Variants in EPS8 observed in about 807,000 individuals in gnomAD.
EPS8 encodes EGFR pathway substrate 8, signaling adaptor, also known as epidermal growth factor receptor kinase substrate 8.
Under a neutral mutation model 103.8 loss-of-function variants are expected in EPS8, and 42 were observed. The ratio of observed to expected loss-of-function variants is 0.40; its 90% CI spans 0.32 to 0.52. The LOEUF is 0.52. Ranked by LOEUF, EPS8 falls within the 20% of genes least tolerant of loss-of-function variation. The pLI is 0.40. For missense variants in EPS8, 969 were observed against 1,005.1 expected, an observed-to-expected ratio of 0.96 and a Z score of 0.49; for synonymous variants, 344 against 344.6, an observed-to-expected ratio of 1.00 and a Z score of 0.02.
rs894201344 is a variant in EPS8, at chr12:15,751,315, G to T, written c.-22+37846C>A. On this transcript the variant is annotated intron_variant, in intron 1 of 20. Coordinates refer to ENST00000281172, the MANE Select transcript of EPS8 (RefSeq NM_004447.6). This position sits in a 1 kb window ranked among gnomAD's most constrained non-coding sequence, Gnocchi z 4.3. ...AAAGGCTGCAGTGAGCTGAGATCAC[G>T]CCACTGCACTCCAGCCTGGGCGACA... Among the ~76,000 whole-genome samples the T allele has an allele frequency of 6.6e-6, 1 of 152,056 alleles. No homozygotes were observed. Among genetic ancestry groups the T allele is most frequent in the East Asian group, 1.9e-4 (1 of 5,192 alleles).
intron 19 of EPS8, 111 bp from the exon 20 acceptor site, chr12:15,623,398 C>T (rs1288895747): frequency 1.2e-5 from 11 of 917,142 alleles, no homozygotes; most frequent in Middle Eastern, 2.9e-4. Flanking sequence ...CGTTCCATAC[C>T]CTGGAACCCT....
chr12:15,631,827 C>T, intron 17 of EPS8, 163 bp from the exon 18 acceptor site: 1 of 577,858 alleles, frequency 1.7e-6, no homozygotes, highest in East Asian at 2.9e-5. Flanking sequence ...CATTAAAAAT[C>T]ATATTTTAAA....
Position 15,728,131 on chromosome 12 carries a change from G to C in EPS8, c.-21-45159C>G, listed in dbSNP as rs1946674892. 1 of 152,156 alleles carries C rather than the reference G, an allele frequency of 6.6e-6. No individual in the cohort carries two copies. Among genetic ancestry groups the C allele is most frequent in the South Asian group, 2.1e-4 (1 of 4,834 alleles). 9.4% of individuals were successfully genotyped at this position (152,156 alleles called of 1,614,324 possible). A position where few individuals can be genotyped will look rare whatever the true frequency, so the allele number is the denominator to read the frequency against. ...CATTAGTTTTGCATTCTACCTACTA[G>C]CTTTTTAGTGATGGAACTTTAACTG... On this transcript the variant is annotated intron_variant, in intron 1 of 20. Coordinates refer to ENST00000281172, the MANE Select transcript of EPS8 (RefSeq NM_004447.6). The surrounding 1 kb of genome is among the most constrained non-coding windows in gnomAD (Gnocchi z 4.5).
At chr12:15,641,528 C>A (rs1945229567) in intron 16 of EPS8, among the ~76,000 whole-genome samples, 194 bp downstream of exon 16, 1 of 151,430 alleles carries the variant, frequency 6.6e-6, no homozygotes, top group Non-Finnish European at 1.5e-5. Flanking sequence ...CCACAAAAAA[C>A]AAATAAAGGA....
At position 15,695,687 on chromosome 12, in the gene EPS8, A is replaced by T. The variant is rs1946233637; in HGVS notation, c.-21-12715T>A. Among the ~76,000 whole-genome samples, 1 of 152,190 alleles carries T rather than the reference A, an allele frequency of 6.6e-6. No homozygotes were observed. The highest frequency in any genetic ancestry group is 1.5e-5 in the Non-Finnish European group (1 of 68,030). ...AGAGGGAGGAGAGCATGAAATAAGA[A>T]AATGAGGCAGGGCATGGTGGCCCAC... On this transcript the variant is annotated intron_variant, in intron 1 of 20. Coordinates refer to ENST00000281172, the MANE Select transcript of EPS8 (RefSeq NM_004447.6). The surrounding 1 kb of genome is among the most constrained non-coding windows in gnomAD (Gnocchi z 5.0).
At position 15,695,914 on chromosome 12, in the gene EPS8, G is replaced by A. The variant is rs1254417639; in HGVS notation, c.-21-12942C>T. ...CACTTGAGCCCAGGAGGCGGAGGTT[G>A]CAAAAAGAATAAATATGACAACTTC... On this transcript the variant is annotated intron_variant, in intron 1 of 20. Transcript: ENST00000281172. This position sits in a 1 kb window ranked among gnomAD's most constrained non-coding sequence, Gnocchi z 5.0. 1.3e-5 allele frequency among the ~76,000 whole-genome samples: 2 copies of A among 152,136 alleles called. No individual in the cohort carries two copies. The highest frequency in any genetic ancestry group is 2.9e-5 in the Non-Finnish European group (2 of 68,030).
rs765081335 is a variant in EPS8, at chr12:15,701,230, GT to G, written c.-21-18259del. Among the ~76,000 whole-genome samples, 13 of 152,276 alleles carry G rather than the reference GT, an allele frequency of 8.5e-5. No homozygotes were observed. The East Asian group carries it at 1.2e-3, about 14-fold the overall frequency. ...TAAATCCATATATGTGTCAAACGTT[GT>G]TGTAAGTTCTTTGCATGCATTAATT... On this transcript the variant is annotated intron_variant, in intron 1 of 20. Coordinates refer to ENST00000281172, the MANE Select transcript of EPS8 (RefSeq NM_004447.6). This position sits in a 1 kb window ranked among gnomAD's most constrained non-coding sequence, Gnocchi z 5.1.
rs189318564 is a variant in EPS8, at chr12:15,736,657, G to A, written c.-22+52504C>T. Among the ~76,000 whole-genome samples, 1 of 152,292 alleles carries A rather than the reference G, an allele frequency of 6.6e-6. No homozygotes were observed. Among genetic ancestry groups the A allele is most frequent in the East Asian group, 1.9e-4 (1 of 5,188 alleles). ...TTAGAAGCATTAAATTTGAATTTAG[G>A]AAGCTAGGGTTGCTAGATGTGGCAG... is the stretch of plus-strand genomic sequence containing the variant. On this transcript the variant is annotated intron_variant, in intron 1 of 20. Transcript: ENST00000281172. The surrounding 1 kb of genome is among the most constrained non-coding windows in gnomAD (Gnocchi z 4.2).
chr12:15,666,900 C>T (rs1441046055), intron 6 of EPS8, among the ~76,000 whole-genome samples: 1 of 152,162 alleles, frequency 6.6e-6, no homozygotes, highest in Non-Finnish European at 1.5e-5. Context: ...TCCTCAAGAT[C>T]CACTGGACAC....
In EPS8 at chr12:15,656,797, C is replaced by T. The variant is rs574821304; in HGVS notation, c.1101+1282G>A. Among the ~76,000 whole-genome samples, 8 of 152,238 alleles carry T rather than the reference C, an allele frequency of 5.3e-5. No homozygotes were observed. The South Asian group carries it at 1.5e-3, about 28-fold the overall frequency. ...CACCAACCTCCAAAAACCTGCTCTA[C>T]CCAGTCTTCCCCATCTTAGTTAATC... On this transcript the variant is annotated intron_variant, in intron 12 of 20. Transcript: ENST00000281172.
At chr12:15,730,194 TACAC>T (rs538758989) in intron 1 of EPS8, among the ~76,000 whole-genome samples, 2 of 151,508 alleles carry the variant, frequency 1.3e-5, no homozygotes, top group East Asian at 1.9e-4. Flanking sequence ...ACTTTTGTAA[TACAC>T]ACACACACAC....
Position 15,700,736 on chromosome 12 carries a change from A to G in EPS8, c.-21-17764T>C, listed in dbSNP as rs1182240298. On this transcript the variant is annotated intron_variant, in intron 1 of 20. Transcript: ENST00000281172. This position sits in a 1 kb window ranked among gnomAD's most constrained non-coding sequence, Gnocchi z 5.1. ...CCTATTTATATCAAGGAGGTTCAAA[A>G]CTGACTCAGAGGAAAAAGTACTATG... Among the ~76,000 whole-genome samples, 1 of 152,142 alleles carries G rather than the reference A, an allele frequency of 6.6e-6. No individual in the cohort carries two copies. The highest frequency in any genetic ancestry group is 1.5e-5 in the Non-Finnish European group (1 of 68,026).
At chr12:15,675,177 C>T (rs558519799) in intron 3 of EPS8, among the ~76,000 whole-genome samples, 65 of 152,180 alleles carry the variant, frequency 4.3e-4, no homozygotes, top group Non-Finnish European at 8.2e-4. Context: ...AGAAATTCAC[C>T]ATGCAGTTTA....
chr12:15,748,680 T>C lies in EPS8; in HGVS notation c.-22+40481A>G, dbSNP rs1946899759. Among the ~76,000 whole-genome samples the C allele has an allele frequency of 6.6e-6, 1 of 152,216 alleles. No individual in the cohort carries two copies. The highest frequency in any genetic ancestry group is 2.4e-5 in the African/African-American group (1 of 41,452). On this transcript the variant is annotated intron_variant, in intron 1 of 20. Coordinates refer to ENST00000281172, the MANE Select transcript of EPS8 (RefSeq NM_004447.6). This position sits in a 1 kb window ranked among gnomAD's most constrained non-coding sequence, Gnocchi z 4.8. ...GAAAATATGCCCAGTTAGTTTAAAATGGAATAACTCTAGATAGAAAATTCT... is the reference window on the plus strand; with the variant it reads ...GAAAATATGCCCAGTTAGTTTAAAACGGAATAACTCTAGATAGAAAATTCT...
chr12:15,670,261 T>C (rs1945792562), intron 4 of EPS8, among the ~76,000 whole-genome samples: 2 of 152,312 alleles, frequency 1.3e-5, no homozygotes, highest in South Asian at 4.1e-4. Flanking sequence ...AGCACAATTC[T>C]AGTCTATAGG....
chr12:15,736,263 T>C lies in EPS8; in HGVS notation c.-22+52898A>G, dbSNP rs1212802260. ...ACTGTAATAATTAACAATATTAACT[T>C]TTTTATAACATGAGTCTAGCACCAA... On this transcript the variant is annotated intron_variant, in intron 1 of 20. Transcript: ENST00000281172. The surrounding 1 kb of genome is among the most constrained non-coding windows in gnomAD (Gnocchi z 4.2). Among the ~76,000 whole-genome samples the C allele has an allele frequency of 1.3e-5, 2 of 152,196 alleles. No homozygotes were observed. The highest frequency in any genetic ancestry group is 2.9e-5 in the Non-Finnish European group (2 of 68,042).
intron 1 of EPS8, among the ~76,000 whole-genome samples, chr12:15,756,560 T>C (rs1170689096): frequency 6.6e-6 from 1 of 152,206 alleles, no homozygotes; most frequent in East Asian, 1.9e-4. Context: ...TTAAAAAGCA[T>C]GGTTCATCTA....
In EPS8 at chr12:15,771,635, A is replaced by G. The variant is rs1451731436; in HGVS notation, c.-22+17526T>C. On this transcript the variant is annotated intron_variant, in intron 1 of 20. Transcript: ENST00000281172. The surrounding 1 kb of genome is among the most constrained non-coding windows in gnomAD (Gnocchi z 4.6). Reference sequence around the variant, plus strand: ...AGGTAAAGGAGAAGGGGGGTCATGGATGTGTTCTTCTAATGGGCTAGAAAT... The same window carrying G: ...AGGTAAAGGAGAAGGGGGGTCATGGGTGTGTTCTTCTAATGGGCTAGAAAT... Among the ~76,000 whole-genome samples the G allele has an allele frequency of 6.6e-6, 1 of 151,932 alleles. No homozygotes were observed. Among genetic ancestry groups the G allele is most frequent in the African/African-American group, 2.4e-5 (1 of 41,366 alleles).
intron 1 of EPS8, among the ~76,000 whole-genome samples, chr12:15,708,982 C>A (rs903032010): frequency 1.3e-5 from 2 of 152,228 alleles, no homozygotes; most frequent in African/African-American, 2.4e-5. Flanking sequence ...CTGCTGGGGA[C>A]AGCCTGATTC....
Sources: allele counts gnomAD v4.1 joint callset (sites outside exome capture counted in the v4.1 genomes callset), GRCh38; gene constraint gnomAD v4.1.1; non-coding constraint Gnocchi (gnomAD v3.1); transcripts MANE v1.5; gene names NCBI Gene and HGNC (gene_info 2026-07-23, HGNC 2026-07-21).